The following AFG2A variants were observed in gnomAD, a reference collection of about 807,000 sequenced individuals.
AFG2A encodes AAA ATPase AFG2A.
chr4:123,257,095 C>T, the AFG2A span, among the ~76,000 whole-genome samples: 4 of 152,064 alleles, frequency 2.6e-5, no homozygotes, highest in African/African-American at 7.3e-5. Context: ...ATGTAAACAC[C>T]GAAGAGATTA....
chr4:123,067,053 A>G, the AFG2A span, among the ~76,000 whole-genome samples: 2 of 151,992 alleles, frequency 1.3e-5, no homozygotes, highest in Admixed American at 1.3e-4. Context: ...TGTGTAGGAC[A>G]CATAGATTTC....
At chr4:123,003,633 T>C in the AFG2A span, among the ~76,000 whole-genome samples, 1 of 152,130 alleles carries the variant, frequency 6.6e-6, no homozygotes, top group Non-Finnish European at 1.5e-5. Flanking sequence ...TTTCATGATC[T>C]GCAAATGCTG....
chr4:123,057,113 A>G, the AFG2A span: 8 of 1,262,112 alleles, frequency 6.3e-6, no homozygotes, highest in South Asian at 9.9e-5. Context: ...ACTTGTACCT[A>G]ATAGGTTTGG....
chr4:123,278,020 AT>A, the AFG2A span, among the ~76,000 whole-genome samples: 4 of 152,058 alleles, frequency 2.6e-5, no homozygotes, highest in African/African-American at 9.7e-5. Flanking sequence ...CTCCTCCCTA[AT>A]TTTTTGGAAT....
chr4:123,048,848 GC>G, the AFG2A span, among the ~76,000 whole-genome samples: 3 of 152,024 alleles, frequency 2.0e-5, no homozygotes, highest in African/African-American at 7.2e-5. Flanking sequence ...CAATTCGAAT[GC>G]CCTTTATTTC....
At chr4:123,162,033 A>AAT in the AFG2A span, among the ~76,000 whole-genome samples, 1 of 151,666 alleles carries the variant, frequency 6.6e-6, no homozygotes, top group Non-Finnish European at 1.5e-5. Context: ...GGGAAAAAAA[A>AAT]GACCAGGAAG....
At chr4:123,210,321 CCTGT>C in the AFG2A span, among the ~76,000 whole-genome samples, 1 of 152,132 alleles carries the variant, frequency 6.6e-6, no homozygotes, top group East Asian at 1.9e-4. Context: ...ACTTATTGCT[CCTGT>C]CTAACTGAAA....
At chr4:123,285,061 C>T in the AFG2A span, among the ~76,000 whole-genome samples, 2 of 152,234 alleles carry the variant, frequency 1.3e-5, no homozygotes, top group East Asian at 1.9e-4. Flanking sequence ...AGCACACCTA[C>T]TGCCTCTACT....
At chr4:123,139,761 G>C in the AFG2A span, among the ~76,000 whole-genome samples, 1 of 151,962 alleles carries the variant, frequency 6.6e-6, no homozygotes, top group Non-Finnish European at 1.5e-5. Flanking sequence ...TTACATTATG[G>C]TTTGGCCATA....
the AFG2A span, among the ~76,000 whole-genome samples, chr4:123,064,784 A>C: frequency 2.0e-4 from 30 of 152,334 alleles, no homozygotes; most frequent in East Asian, 5.4e-3. Flanking sequence ...AACTTCAAGT[A>C]GGACTAGAAC....
At chr4:123,314,051 T>C in the AFG2A span, 1 of 1,584,290 alleles carries the variant, frequency 6.3e-7, no homozygotes, top group Admixed American at 1.9e-5. Context: ...AAGAGTGGGC[T>C]GCATACACTC....
At chr4:123,186,587 G>T in the AFG2A span, among the ~76,000 whole-genome samples, 1 of 152,064 alleles carries the variant, frequency 6.6e-6, no homozygotes, top group Non-Finnish European at 1.5e-5. Flanking sequence ...AAGGTACATC[G>T]TTTTAAATTT....
chr4:123,014,682 T>C, the AFG2A span, among the ~76,000 whole-genome samples: 3 of 152,202 alleles, frequency 2.0e-5, no homozygotes, highest in Non-Finnish European at 4.4e-5. Flanking sequence ...GAAAAAAAAT[T>C]ACCTTTAAGT....
the AFG2A span, among the ~76,000 whole-genome samples, chr4:123,199,574 C>T: frequency 1.5e-4 from 22 of 145,132 alleles, no homozygotes; most frequent in Non-Finnish European, 2.5e-4. Context: ...CGGGTTCAAG[C>T]GATTCTCCCA....
the AFG2A span, among the ~76,000 whole-genome samples, chr4:123,043,179 T>A: frequency 6.6e-6 from 1 of 152,200 alleles, no homozygotes; most frequent in Non-Finnish European, 1.5e-5. Flanking sequence ...GCAGCACTTG[T>A]CCTCCATTGT....
At chr4:123,308,472 T>A in the AFG2A span, among the ~76,000 whole-genome samples, 2 of 152,084 alleles carry the variant, frequency 1.3e-5, no homozygotes, top group Non-Finnish European at 2.9e-5. Context: ...GAGCTCCACC[T>A]CCTGTCAGAT....
chr4:123,015,850 G>A, the AFG2A span, among the ~76,000 whole-genome samples: 3 of 33,252 alleles, frequency 9.0e-5, no homozygotes, highest in African/African-American at 1.3e-4. Flanking sequence ...GCGGCTGGCC[G>A]GGCGGGGGGC....
At chr4:123,033,356 T>TA in the AFG2A span, among the ~76,000 whole-genome samples, 1 of 152,154 alleles carries the variant, frequency 6.6e-6, no homozygotes, top group Non-Finnish European at 1.5e-5. Flanking sequence ...TTGTTTTTTT[T>TA]AAAAAAATAG....
At chr4:122,972,474 T>A in the AFG2A span, among the ~76,000 whole-genome samples, 1 of 151,880 alleles carries the variant, frequency 6.6e-6, no homozygotes, top group Non-Finnish European at 1.5e-5. Context: ...CCTCCTTCTT[T>A]TTTCTTTTAG....
Sources: allele counts gnomAD v4.1 joint callset (sites outside exome capture counted in the v4.1 genomes callset), GRCh38; gene constraint gnomAD v4.1.1; transcripts MANE v1.5; gene names NCBI Gene and HGNC (gene_info 2026-07-23, HGNC 2026-07-21).